SAMMSON: variants seen among roughly 807,000 people sequenced by gnomAD.
SAMMSON encodes survival associated mitochondrial melanoma specific oncogenic non-coding RNA.
chr3:70,165,441 A>G (rs2067633076), intron 4 of SAMMSON, among the ~76,000 whole-genome samples: 1 of 151,952 alleles, frequency 6.6e-6, no homozygotes, highest in African/African-American at 2.4e-5. Flanking sequence ...TTCTTCCACA[A>G]TACAAAGACA....
At chr3:70,008,123 A>G (rs1170850526) in intron 1 of SAMMSON, among the ~76,000 whole-genome samples, 1 of 152,056 alleles carries the variant, frequency 6.6e-6, no homozygotes, top group Non-Finnish European at 1.5e-5. Flanking sequence ...TGACTTGGCG[A>G]TGTGGGCTCT....
At chr3:70,366,924 A>G (rs1702925299) in intron 9 of SAMMSON, among the ~76,000 whole-genome samples, 1 of 151,676 alleles carries the variant, frequency 6.6e-6, no homozygotes, top group Non-Finnish European at 1.5e-5. Flanking sequence ...TCTTAGTGAC[A>G]AATGAGGTTG....
chr3:70,213,639 G>GA (rs1701372304), intron 4 of SAMMSON, among the ~76,000 whole-genome samples: 1 of 152,098 alleles, frequency 6.6e-6, no homozygotes, highest in Non-Finnish European at 1.5e-5. Flanking sequence ...ACTGTATAGA[G>GA]AAAAAAAGTT....
At chr3:70,117,911 A>T (rs754200361) in intron 4 of SAMMSON, among the ~76,000 whole-genome samples, 77 of 152,032 alleles carry the variant, frequency 5.1e-4, no homozygotes, top group Non-Finnish European at 7.1e-4. Flanking sequence ...TTTTTAATTT[A>T]ATTTTATTTA....
At chr3:70,347,936 G>T (rs189911042) in intron 7 of SAMMSON, among the ~76,000 whole-genome samples, 220 of 152,202 alleles carry the variant, frequency 1.4e-3, no homozygotes, top group Admixed American at 2.3e-3. Context: ...CCAGCTACTT[G>T]GGAGACTGAG....
At chr3:70,182,628 A>G (rs2106706270) in intron 4 of SAMMSON, among the ~76,000 whole-genome samples, 1 of 152,274 alleles carries the variant, frequency 6.6e-6, no homozygotes, top group South Asian at 2.1e-4. Context: ...TCACGGGCTA[A>G]TTTACAGCGA....
At chr3:70,375,609 T>C (rs1290182810) in intron 9 of SAMMSON, among the ~76,000 whole-genome samples, 2 of 152,150 alleles carry the variant, frequency 1.3e-5, no homozygotes, top group Non-Finnish European at 2.9e-5. Context: ...GATATGCAAA[T>C]ATGTCATTCC....
chr3:70,136,181 A>C (rs866667413), intron 4 of SAMMSON, among the ~76,000 whole-genome samples: 4 of 152,282 alleles, frequency 2.6e-5, no homozygotes, highest in Admixed American at 1.3e-4. Context: ...ATGGTGCCCA[A>C]TGATTGTTGC....
intron 2 of SAMMSON, among the ~76,000 whole-genome samples, chr3:70,406,289 A>G (rs1407356529): frequency 1.3e-5 from 2 of 152,204 alleles, no homozygotes; most frequent in Admixed American, 1.3e-4. Flanking sequence ...TAAGTGCTGA[A>G]AGAAAAATAA....
intron 4 of SAMMSON, among the ~76,000 whole-genome samples, chr3:70,193,568 C>T (rs1701147834): frequency 1.3e-5 from 2 of 152,190 alleles, no homozygotes; most frequent in South Asian, 4.1e-4. Context: ...ACTCTATTCA[C>T]TTTGCCTTTC....
chr3:70,293,293 A>G (rs1367811710), intron 7 of SAMMSON, among the ~76,000 whole-genome samples: 1 of 152,096 alleles, frequency 6.6e-6, no homozygotes, highest in Non-Finnish European at 1.5e-5. Context: ...AATTACATAC[A>G]ATTATCAAAA....
At chr3:70,120,222 C>T (rs938714183) in intron 4 of SAMMSON, 5 of 152,170 alleles carry the variant, frequency 3.3e-5, no homozygotes, top group Non-Finnish European at 5.9e-5. Context: ...CACATTTTCC[C>T]CACACTTGTC....
intron 4 of SAMMSON, chr3:70,197,274 A>G (rs1022051892): frequency 1.0e-5 from 4 of 397,494 alleles, no homozygotes; most frequent in Non-Finnish European, 1.8e-5. Context: ...TGATAACTTG[A>G]TAGCCAACTC....
At chr3:70,246,991 A>G (rs1047742283) in intron 4 of SAMMSON, among the ~76,000 whole-genome samples, 6 of 152,182 alleles carry the variant, frequency 3.9e-5, no homozygotes, top group South Asian at 4.1e-4. Flanking sequence ...AGGGCATATC[A>G]TAATAATCAG....
chr3:70,407,819 G>C (rs749352928), intron 2 of SAMMSON, among the ~76,000 whole-genome samples: 3 of 152,210 alleles, frequency 2.0e-5, no homozygotes, highest in Non-Finnish European at 4.4e-5. Flanking sequence ...GCCCCAGCAG[G>C]GGGCAGAGCC....
intron 4 of SAMMSON, among the ~76,000 whole-genome samples, chr3:70,147,598 A>T (rs9817418): frequency 0.99 from 150,213 of 152,096 alleles, 74,204 homozygotes; most frequent in East Asian, 1. Context: ...CAATGGAAAA[A>T]CCATATGCAA....
intron 2 of SAMMSON, among the ~76,000 whole-genome samples, chr3:70,394,985 T>A (rs1211159244): frequency 6.6e-6 from 1 of 152,236 alleles, no homozygotes; most frequent in Non-Finnish European, 1.5e-5. Flanking sequence ...ATATTTTTTA[T>A]CTTGAAAGCT....
intron 6 of SAMMSON, among the ~76,000 whole-genome samples, chr3:70,282,311 C>G (rs140145254): frequency 1.3e-5 from 2 of 152,282 alleles, no homozygotes; most frequent in East Asian, 3.9e-4. Flanking sequence ...GAAGATGTAT[C>G]CACCACATGG....
At chr3:70,283,518 G>C (rs1407850399) in intron 6 of SAMMSON, 2 of 152,114 alleles carry the variant, frequency 1.3e-5, no homozygotes, top group Non-Finnish European at 2.9e-5. Context: ...CTCAGAACTA[G>C]ACAGAACTGG....
Sources: gnomAD v4.1 joint callset for allele counts (sites outside exome capture counted in the v4.1 genomes callset) on GRCh38, gnomAD v4.1.1 for gene constraint, MANE v1.5 for transcripts, NCBI Gene and HGNC (gene_info 2026-07-23, HGNC 2026-07-21) for gene names.